The following PTPRD variants were observed in gnomAD, a reference collection of about 807,000 sequenced individuals.
PTPRD encodes the protein receptor-type tyrosine-protein phosphatase delta.
A neutral mutation model predicts 214.5 loss-of-function variants in PTPRD; 34 were observed. The observed-to-expected ratio is 0.16, with a 90% CI of 0.12 to 0.21. PTPRD has a LOEUF of 0.21. PTPRD is among the 10% of genes least tolerant of loss of function. The pLI is 1.00. For missense variants in PTPRD, 2,545 were observed against 2,398.7 expected, an observed-to-expected ratio of 1.06 and a Z score of -1.27; for synonymous variants, 1,128 against 845.7, an observed-to-expected ratio of 1.33 and a Z score of -5.79.
At chr9:10,194,508 T>G (rs1740508312) in intron 3 of PTPRD, among the ~76,000 whole-genome samples, 1 of 151,874 alleles carries the variant, frequency 6.6e-6, no homozygotes, top group East Asian at 1.9e-4. Context: ...GATGTTAAAT[T>G]CTTTGCAAGA....
intron 24 of PTPRD, among the ~76,000 whole-genome samples, 195 bp downstream of exon 24, chr9:8,500,559 A>G (rs202164990): frequency 0.013 from 741 of 57,506 alleles, 4 homozygotes; most frequent in East Asian, 0.031. Context: ...GAAAAAAATG[A>G]AAAAAAAAAA....
At chr9:9,440,914 T>C (rs929168570) in intron 8 of PTPRD, among the ~76,000 whole-genome samples, 3 of 152,126 alleles carry the variant, frequency 2.0e-5, no homozygotes, top group Non-Finnish European at 4.4e-5. Context: ...AGGATCAGCA[T>C]TTGAAGGGGA....
At chr9:8,618,517 A>T (rs899597448) in intron 14 of PTPRD, among the ~76,000 whole-genome samples, 4 of 152,074 alleles carry the variant, frequency 2.6e-5, no homozygotes, top group African/African-American at 4.8e-5. Flanking sequence ...TACTTGCTAG[A>T]TTCTCAGACC....
intron 30 of PTPRD, among the ~76,000 whole-genome samples, chr9:8,478,588 G>A (rs987276834): frequency 6.6e-6 from 1 of 152,122 alleles, no homozygotes; most frequent in Non-Finnish European, 1.5e-5. Context: ...AGTTCCCTAT[G>A]TCATTACAAC....
intron 2 of PTPRD, among the ~76,000 whole-genome samples, chr9:10,554,698 T>G (rs775453302): frequency 6.6e-6 from 1 of 152,198 alleles, no homozygotes; most frequent in African/African-American, 2.4e-5. Flanking sequence ...TCTCGCTTTG[T>G]CGCTCAGACT....
At chr9:8,895,276 T>A (rs10977341) in intron 11 of PTPRD, among the ~76,000 whole-genome samples, 1 of 152,280 alleles carries the variant, frequency 6.6e-6, no homozygotes, top group East Asian at 1.9e-4. Context: ...TACACCAGGA[T>A]AAGATCAAAG....
intron 4 of PTPRD, among the ~76,000 whole-genome samples, chr9:10,033,239 C>T (rs1300742220): frequency 1.3e-5 from 2 of 151,712 alleles, no homozygotes; most frequent in South Asian, 2.1e-4. Context: ...AATACTAATG[C>T]TATATACTGG....
chr9:9,681,992 T>G lies in PTPRD; in HGVS notation c.-287+52541A>C, dbSNP rs189348868. Among the ~76,000 whole-genome samples, 372 of 151,888 alleles carry G rather than the reference T, an allele frequency of 2.4e-3. 2 individuals carry two copies. Among genetic ancestry groups the G allele is most frequent in the African/African-American group, 8.4e-3 (350 of 41,514 alleles). ...ATTAGGAAAGACATCACCTTGAACTTTCTCATCATTACCCACTCTCTTTCT... is the reference window on the plus strand; with the variant it reads ...ATTAGGAAAGACATCACCTTGAACTGTCTCATCATTACCCACTCTCTTTCT... On this transcript the variant is annotated intron_variant, in intron 7 of 45. Transcript: ENST00000381196.
chr9:8,508,425 C>T (rs1455953979), intron 21 of PTPRD, among the ~76,000 whole-genome samples: 1 of 152,142 alleles, frequency 6.6e-6, no homozygotes, highest in Admixed American at 6.5e-5. Flanking sequence ...TTGTTCTTGG[C>T]CACTGTCTGC....
chr9:8,566,545 C>A (rs2089292566), intron 14 of PTPRD, among the ~76,000 whole-genome samples: 1 of 152,166 alleles, frequency 6.6e-6, no homozygotes, highest in Non-Finnish European at 1.5e-5. Flanking sequence ...GCCATAACTT[C>A]ACCTCTGAGT....
intron 14 of PTPRD, among the ~76,000 whole-genome samples, chr9:8,562,523 A>T (rs113670760): frequency 9.9e-5 from 15 of 152,014 alleles, no homozygotes; most frequent in African/African-American, 3.6e-4. Context: ...TGCAACCTCG[A>T]ACTCCCAGGT....
At chr9:10,600,660 C>A (rs920149338) in intron 2 of PTPRD, among the ~76,000 whole-genome samples, 11 of 151,804 alleles carry the variant, frequency 7.2e-5, no homozygotes, top group Admixed American at 5.9e-4. Context: ...ATGGCAGACA[C>A]TGGCTGCTGC....
intron 10 of PTPRD, among the ~76,000 whole-genome samples, chr9:9,163,918 C>T (rs2099895943): frequency 2.0e-5 from 3 of 152,098 alleles, no homozygotes; most frequent in Admixed American, 1.3e-4. Flanking sequence ...TTGATCCTAC[C>T]CATCCTTCAA....
chr9:8,986,973 T>C (rs2099347885), intron 11 of PTPRD, among the ~76,000 whole-genome samples: 1 of 152,108 alleles, frequency 6.6e-6, no homozygotes. Flanking sequence ...AAAATTTCTT[T>C]TCCTGTGAAT....
chr9:10,398,449 T>C (rs1413679395), intron 2 of PTPRD, among the ~76,000 whole-genome samples: 1 of 151,846 alleles, frequency 6.6e-6, no homozygotes, highest in Non-Finnish European at 1.5e-5. Flanking sequence ...CCATAACCCA[T>C]AACCATGAGA....
chr9:9,663,293 TA>T (rs1208085785), intron 7 of PTPRD, among the ~76,000 whole-genome samples: 1 of 151,404 alleles, frequency 6.6e-6, no homozygotes, highest in Non-Finnish European at 1.5e-5. Context: ...TATATAGAAG[TA>T]AAAAATAACC....
chr9:10,483,891 G>C (rs2099115993), intron 2 of PTPRD, among the ~76,000 whole-genome samples: 1 of 152,034 alleles, frequency 6.6e-6, no homozygotes, highest in South Asian at 2.1e-4. Flanking sequence ...ACTAAAAGTA[G>C]ATCCACCATT....
intron 3 of PTPRD, among the ~76,000 whole-genome samples, chr9:10,168,950 G>T (rs1482832790): frequency 3.4e-4 from 51 of 152,036 alleles, no homozygotes; most frequent in Non-Finnish European, 1.3e-4. Flanking sequence ...ATGTCTTATG[G>T]ACTGGAGGAG....
At chr9:9,665,739 G>A (rs1256567824) in intron 7 of PTPRD, among the ~76,000 whole-genome samples, 4 of 151,748 alleles carry the variant, frequency 2.6e-5, no homozygotes, top group Admixed American at 6.6e-5. Context: ...TGATATTAAT[G>A]TAAAAGTGAA....
Sources: gnomAD v4.1 joint callset for allele counts (sites outside exome capture counted in the v4.1 genomes callset) on GRCh38, gnomAD v4.1.1 for gene constraint, MANE v1.5 for transcripts, NCBI Gene and HGNC (gene_info 2026-07-23, HGNC 2026-07-21) for gene names.